BTRC: variants seen among roughly 807,000 people sequenced by gnomAD.
BTRC encodes beta-transducin repeat containing E3 ubiquitin protein ligase, also known as F-box/WD repeat-containing protein 1A.
BTRC carries 42 observed loss-of-function variants against 85.5 expected under a neutral mutation model. The ratio of observed to expected loss-of-function variants is 0.49; its 90% CI spans 0.38 to 0.64. The LOEUF is 0.64. Among genes scored for constraint, BTRC ranks in the 30% least tolerant of loss-of-function variants. The pLI is 0.00. For missense variants in BTRC, 594 were observed against 743.5 expected, an observed-to-expected ratio of 0.80 and a Z score of 2.34; for synonymous variants, 255 against 263.3, an observed-to-expected ratio of 0.97 and a Z score of 0.30.
At chr10:101,391,191 A>G (rs1943228656) in intron 1 of BTRC, among the ~76,000 whole-genome samples, 1 of 152,166 alleles carries the variant, frequency 6.6e-6, no homozygotes, top group Non-Finnish European at 1.5e-5. Flanking sequence ...TCAGCCCTTA[A>G]GCAGTTATAT....
chr10:101,393,668 A>G (rs1943292634), intron 1 of BTRC, among the ~76,000 whole-genome samples: 1 of 152,174 alleles, frequency 6.6e-6, no homozygotes, highest in Non-Finnish European at 1.5e-5. Context: ...GTCACAGAGA[A>G]GTCTTCTGTG....
At chr10:101,539,152 C>T (rs1485434061) in intron 13 of BTRC, among the ~76,000 whole-genome samples, 1 of 152,234 alleles carries the variant, frequency 6.6e-6, no homozygotes, top group Admixed American at 6.5e-5. Flanking sequence ...AACTTGAGCC[C>T]ATCTTTTTTG....
At chr10:101,496,876 T>C (rs1241861081) in intron 4 of BTRC, among the ~76,000 whole-genome samples, 1 of 152,232 alleles carries the variant, frequency 6.6e-6, no homozygotes, top group Non-Finnish European at 1.5e-5. Flanking sequence ...ATATTTCTCC[T>C]AAACTGTGAC....
chr10:101,451,489 C>T (rs577766419), intron 2 of BTRC, among the ~76,000 whole-genome samples: 1 of 152,256 alleles, frequency 6.6e-6, no homozygotes, highest in South Asian at 2.1e-4. Context: ...ATGTGTCATG[C>T]GCTTTGACAT....
At chr10:101,429,665 G>C (rs1403278003) in intron 1 of BTRC, among the ~76,000 whole-genome samples, 2 of 146,698 alleles carry the variant, frequency 1.4e-5, no homozygotes, top group African/African-American at 5.1e-5. Context: ...CCTTCTGTTT[G>C]GGTTGTTTCT....
At chr10:101,360,832 G>A (rs1190216114) in intron 1 of BTRC, among the ~76,000 whole-genome samples, 1 of 152,106 alleles carries the variant, frequency 6.6e-6, no homozygotes, top group Non-Finnish European at 1.5e-5. Context: ...CTTTCTAGCA[G>A]TATTTTATTT....
intron 1 of BTRC, among the ~76,000 whole-genome samples, chr10:101,373,183 G>A (rs1375170168): frequency 5.9e-5 from 9 of 152,184 alleles, no homozygotes. Context: ...CTATAAACAT[G>A]TGAATACTTT....
At chr10:101,373,532 T>G (rs1459432270) in intron 1 of BTRC, among the ~76,000 whole-genome samples, 2 of 152,006 alleles carry the variant, frequency 1.3e-5, no homozygotes, top group African/African-American at 4.8e-5. Context: ...AGTAGGTAGG[T>G]AAGGGAAAAT....
intron 1 of BTRC, among the ~76,000 whole-genome samples, chr10:101,391,416 T>C (rs1943233361): frequency 1.3e-5 from 2 of 152,228 alleles, no homozygotes; most frequent in Admixed American, 6.5e-5. Context: ...GCAAATAAAA[T>C]TCTTTGTTTT....
At chr10:101,387,223 TAAG>T (rs953009473) in intron 1 of BTRC, among the ~76,000 whole-genome samples, 7 of 151,932 alleles carry the variant, frequency 4.6e-5, no homozygotes, top group East Asian at 1.9e-4. Flanking sequence ...TTTAACATAA[TAAG>T]TGTACATATT....
At chr10:101,393,954 C>T (rs1478622112) in intron 1 of BTRC, among the ~76,000 whole-genome samples, 1 of 152,210 alleles carries the variant, frequency 6.6e-6, no homozygotes, top group Non-Finnish European at 1.5e-5. Flanking sequence ...CAGTGTAATG[C>T]AGACTTCGTA....
At chr10:101,432,099 G>C (rs1279318975) in intron 2 of BTRC, among the ~76,000 whole-genome samples, 1 of 151,234 alleles carries the variant, frequency 6.6e-6, no homozygotes, top group Non-Finnish European at 1.5e-5. Context: ...TCCTGAGACT[G>C]CTTATTTATT....
At chr10:101,515,725 A>G (rs866934131) in intron 4 of BTRC, among the ~76,000 whole-genome samples, 1 of 152,038 alleles carries the variant, frequency 6.6e-6, no homozygotes, top group African/African-American at 2.4e-5. Context: ...GTTAGCCAGG[A>G]TGGTCTTGAT....
intron 3 of BTRC, among the ~76,000 whole-genome samples, chr10:101,472,539 C>T (rs1039619391): frequency 2.0e-5 from 3 of 151,736 alleles, no homozygotes; most frequent in Admixed American, 6.6e-5. Context: ...CCCAGCTGGG[C>T]GTGGTGGCTC....
rs150487342 is a variant in BTRC at position 101,416,332 on chromosome 10, A to G, written c.49-14013A>G. 5.6e-4 allele frequency among the ~76,000 whole-genome samples: 85 copies of G among 152,058 alleles called. No individual in the cohort carries two copies. In the South Asian group the frequency reaches 9.3e-3, roughly 17 times the overall value. On this transcript the variant is annotated intron_variant, in intron 1 of 14. Transcript: ENST00000370187. ...TTTTTGTTTGTTTTTTAATTTGGCC[A>G]TTTGATCCCTTTGCTTTGAATGCTT...
chr10:101,532,460 A>G (rs2062299771), intron 8 of BTRC, 28 bp downstream of exon 8: 1 of 1,585,384 alleles, frequency 6.3e-7, no homozygotes, highest in African/African-American at 1.3e-5. Context: ...GTAGAAAGGT[A>G]GCAGAGGGAG....
At chr10:101,516,249 TTTTAA>T (rs2062022279) in intron 4 of BTRC, among the ~76,000 whole-genome samples, 1 of 152,178 alleles carries the variant, frequency 6.6e-6, no homozygotes, top group South Asian at 2.1e-4. Context: ...CATGAGGGTT[TTTTAA>T]TTTGTTCCTT....
At chr10:101,438,240 T>G (rs768824644) in intron 2 of BTRC, among the ~76,000 whole-genome samples, 2 of 151,790 alleles carry the variant, frequency 1.3e-5, no homozygotes, top group Non-Finnish European at 2.9e-5. Context: ...TCCTGGCTAA[T>G]GCGGTGAAAC....
intron 1 of BTRC, among the ~76,000 whole-genome samples, chr10:101,370,196 C>A (rs1036389469): frequency 3.9e-5 from 6 of 152,198 alleles, no homozygotes; most frequent in Admixed American, 6.5e-5. Context: ...CAGCTCACAG[C>A]AGCCTCACTC....
Sources: allele counts gnomAD v4.1 joint callset (sites outside exome capture counted in the v4.1 genomes callset), GRCh38; gene constraint gnomAD v4.1.1; transcripts MANE v1.5; gene names NCBI Gene and HGNC (gene_info 2026-07-23, HGNC 2026-07-21).